Variants in TINAG observed in about 807,000 individuals in gnomAD.
TINAG encodes the protein tubulointerstitial nephritis antigen.
TINAG carries 83 observed loss-of-function variants against 72.7 expected under a neutral mutation model. That is an observed-to-expected ratio of 1.14 (90% CI 0.96 to 1.37). The LOEUF is 1.37. TINAG is among the 40% of genes most tolerant of loss of function. TINAG has a pLI of 0.00. For missense variants in TINAG, 685 were observed against 576.6 expected (o/e 1.19, Z -1.93); for synonymous variants, 234 against 189.9 (o/e 1.23, Z -1.91).
At chr6:54,341,405 A>T (rs1237408024) in intron 4 of TINAG, among the ~76,000 whole-genome samples, 1 of 152,292 alleles carries the variant, frequency 6.6e-6, no homozygotes, top group Admixed American at 6.5e-5. Context: ...TTAGTTTTCT[A>T]TGATACCATC....
At chr6:54,325,275 A>C (rs76600356) in intron 3 of TINAG, among the ~76,000 whole-genome samples, 3,713 of 152,320 alleles carry the variant, frequency 0.024, 58 homozygotes, top group Middle Eastern at 0.041. Context: ...GTGTTTCTTA[A>C]GGTATGAGCT....
At chr6:54,378,519 T>G (rs868196276) in intron 9 of TINAG, among the ~76,000 whole-genome samples, 1 of 152,168 alleles carries the variant, frequency 6.6e-6, no homozygotes, top group African/African-American at 2.4e-5. Flanking sequence ...TTTTGCATCA[T>G]TGAAATTATT....
chr6:54,382,669 A>C (rs1508635), intron 10 of TINAG, among the ~76,000 whole-genome samples: 20,147 of 152,032 alleles, frequency 0.13, 2,508 homozygotes, highest in East Asian at 0.34. Context: ...ATACTCATAA[A>C]TAGATCGACA....
chr6:54,339,264 G>C (rs935515741), intron 4 of TINAG, among the ~76,000 whole-genome samples: 1 of 152,106 alleles, frequency 6.6e-6, no homozygotes, highest in Non-Finnish European at 1.5e-5. Context: ...TCTGGAAGTG[G>C]GTAGCCCTGT....
upstream of TINAG, chr6:54,307,892 A>G (rs571659564): frequency 1.5e-6 from 1 of 672,572 alleles, no homozygotes; most frequent in East Asian, 2.7e-5. Flanking sequence ...ACTCAGGTGG[A>G]GAGAACTAAG....
At chr6:54,373,952 C>G (rs917731606) in intron 9 of TINAG, among the ~76,000 whole-genome samples, 1 of 152,050 alleles carries the variant, frequency 6.6e-6, no homozygotes, top group African/African-American at 2.4e-5. Flanking sequence ...CTTTGCTTAG[C>G]ACATGTCACA....
At chr6:54,315,388 G>A (rs1413086691) in intron 1 of TINAG, among the ~76,000 whole-genome samples, 1 of 151,978 alleles carries the variant, frequency 6.6e-6, no homozygotes, top group Non-Finnish European at 1.5e-5. Context: ...CAAATGTCAG[G>A]CTGGGTGTGG....
chr6:54,338,517 C>T (rs1250282570), intron 4 of TINAG, among the ~76,000 whole-genome samples: 1 of 151,848 alleles, frequency 6.6e-6, no homozygotes, highest in East Asian at 1.9e-4. Context: ...GTCAGGAGAT[C>T]AAGACCATCC....
chr6:54,364,208 C>T (rs760225100), intron 9 of TINAG, among the ~76,000 whole-genome samples: 6 of 151,390 alleles, frequency 4.0e-5, no homozygotes, highest in Non-Finnish European at 7.4e-5. Context: ...TACCTTTCTG[C>T]CCTCTTGTGT....
intron 9 of TINAG, among the ~76,000 whole-genome samples, chr6:54,372,787 T>C (rs1035728960): frequency 1.0e-4 from 15 of 145,510 alleles, no homozygotes; most frequent in East Asian, 8.5e-4. Flanking sequence ...CACACACACA[T>C]ATACATGACA....
chr6:54,324,870 A>G (rs571957633), intron 3 of TINAG, among the ~76,000 whole-genome samples: 5 of 152,176 alleles, frequency 3.3e-5, no homozygotes, highest in Non-Finnish European at 7.4e-5. Context: ...GAAATTCTCA[A>G]TGGTACTCCA....
intron 1 of TINAG, 35 bp downstream of exon 1, chr6:54,308,940 G>C (rs376442531): frequency 2.0e-6 from 3 of 1,496,724 alleles, no homozygotes. Context: ...CATCATCCTC[G>C]TTCATAACAA....
intron 1 of TINAG, among the ~76,000 whole-genome samples, chr6:54,314,248 A>T (rs1469413377): frequency 2.0e-5 from 3 of 152,186 alleles, no homozygotes; most frequent in African/African-American, 7.2e-5. Context: ...TCACTTTGTC[A>T]TTAGCCACGA....
At chr6:54,385,491 T>C (rs755152335) in intron 10 of TINAG, among the ~76,000 whole-genome samples, 56 of 134,144 alleles carry the variant, frequency 4.2e-4, no homozygotes, top group Non-Finnish European at 8.3e-4. Context: ...AAAAAAAAAA[T>C]GAGTCTATTT....
At chr6:54,363,852 A>G (rs1014122348) in intron 9 of TINAG, among the ~76,000 whole-genome samples, 2 of 151,518 alleles carry the variant, frequency 1.3e-5, no homozygotes, top group African/African-American at 4.8e-5. Context: ...GTTTCTTAGA[A>G]AGCTGGAAGC....
chr6:54,380,612 A>G (rs1435202342), intron 10 of TINAG, 41 bp downstream of exon 10: 5 of 1,521,452 alleles, frequency 3.3e-6, no homozygotes, highest in South Asian at 2.3e-5. Context: ...TGTGAAGTGA[A>G]TATGTTCAAA....
chr6:54,339,874 A>G (rs928167510), intron 4 of TINAG, among the ~76,000 whole-genome samples: 2 of 152,152 alleles, frequency 1.3e-5, no homozygotes, highest in African/African-American at 4.8e-5. Context: ...TAAGCATCCA[A>G]GCTTAAATGG....
intron 4 of TINAG, among the ~76,000 whole-genome samples, chr6:54,335,613 G>C (rs1784839763): frequency 6.6e-6 from 1 of 152,134 alleles, no homozygotes; most frequent in African/African-American, 2.4e-5. Flanking sequence ...AGAAAGAACT[G>C]AGTTGAACTG....
Position 54,354,552 on chromosome 6 carries a change from C to T in TINAG, c.1166C>T (p.Thr389Ile). ...CGTGAAGATTTCTTCCATTATAAGA[C>T]AGGGATATACAGACATGTTACCAGC... Reference protein sequence around the residue: ...QVREDFFHYKTGIYRHVTSTN... With the variant: ...QVREDFFHYKIGIYRHVTSTN... The change falls in exon 9 of 11, where the codon ACA becomes ATA. Residue 389 changes from threonine to isoleucine, a missense_variant. Transcript: ENST00000259782. 6.2e-7 allele frequency: 1 copy of T among 1,607,418 alleles called. No individual in the cohort carries two copies. Among genetic ancestry groups the T allele is most frequent in the Non-Finnish European group, 8.5e-7 (1 of 1,176,516 alleles).
Sources: allele counts gnomAD v4.1 joint callset (sites outside exome capture counted in the v4.1 genomes callset), GRCh38; gene constraint gnomAD v4.1.1; transcripts MANE v1.5; gene names NCBI Gene and HGNC (gene_info 2026-07-23, HGNC 2026-07-21).